SUN5: variants seen among roughly 807,000 people sequenced by gnomAD.
The protein encoded by SUN5 is Sad1 and UNC84 domain containing 5, also known as SUN domain-containing protein 5.
A neutral mutation model predicts 53.7 loss-of-function variants in SUN5; 44 were observed. That is an observed-to-expected ratio of 0.82 (90% CI 0.64 to 1.05). SUN5 has a LOEUF of 1.05. Among genes scored for constraint, SUN5 ranks in the 50% least tolerant of loss-of-function variants. SUN5 has a pLI of 0.00. For synonymous variants in SUN5, 166 were observed against 179.8 expected (o/e 0.92, Z 0.62); for missense variants, 433 against 483.8 (o/e 0.90, Z 0.98).
chr20:33,004,147 G>C, intron 1 of SUN5, 117 bp downstream of exon 1: 1 of 1,095,554 alleles, frequency 9.1e-7, no homozygotes. Context: ...CTCTGGTCTT[G>C]GTGGCTGTCT....
intron 8 of SUN5, among the ~76,000 whole-genome samples, chr20:32,994,324 T>C (rs781290292): frequency 5.3e-4 from 81 of 152,316 alleles, no homozygotes; most frequent in Non-Finnish European, 9.4e-4. Flanking sequence ...AGTTCTTTTG[T>C]ATACAATGTT....
intron 1 of SUN5, among the ~76,000 whole-genome samples, chr20:33,003,716 A>G (rs1026048545): frequency 6.6e-6 from 1 of 152,186 alleles, no homozygotes; most frequent in Non-Finnish European, 1.5e-5. Flanking sequence ...CCAAATGTAC[A>G]GATTTATGGT....
At chr20:32,988,795 G>A (rs1209723125) in intron 9 of SUN5, among the ~76,000 whole-genome samples, 1 of 151,714 alleles carries the variant, frequency 6.6e-6, no homozygotes. Flanking sequence ...TACCATGTTG[G>A]CCAGGCTGGT....
intron 12 of SUN5, among the ~76,000 whole-genome samples, chr20:32,984,196 G>C (rs1240384994): frequency 3.3e-5 from 5 of 152,198 alleles, no homozygotes; most frequent in Non-Finnish European, 5.9e-5. Context: ...GTGGGATCTT[G>C]GGCAAACCTC....
chr20:32,995,000 A>G (rs1989805835), intron 8 of SUN5, among the ~76,000 whole-genome samples: 1 of 152,250 alleles, frequency 6.6e-6, no homozygotes, highest in Non-Finnish European at 1.5e-5. Flanking sequence ...AAAAAGAATG[A>G]AAAAACAAAC....
chr20:33,002,971 G>T (rs1223771757), intron 1 of SUN5, 52 bp from the exon 2 acceptor site: 19 of 1,601,462 alleles, frequency 1.2e-5, no homozygotes, highest in Non-Finnish European at 1.5e-5. Context: ...GGAACATAGT[G>T]TCCTTGGAAT....
chr20:32,992,208 C>T (rs982438767), intron 8 of SUN5, among the ~76,000 whole-genome samples: 9 of 152,200 alleles, frequency 5.9e-5, no homozygotes, highest in South Asian at 2.1e-4. Context: ...ATGCCAGTAG[C>T]GTCTCCTCCT....
At chr20:32,985,620 T>C in intron 11 of SUN5, 116 bp downstream of exon 11, 1 of 1,335,664 alleles carries the variant, frequency 7.5e-7, no homozygotes, top group South Asian at 1.5e-5. Flanking sequence ...CCAAGCTGCA[T>C]TCAGCCCCTC....
At chr20:32,984,048 G>A (rs1012901684) in intron 12 of SUN5, 99 bp from the exon 13 acceptor site, 6 of 1,402,438 alleles carry the variant, frequency 4.3e-6, no homozygotes, top group Non-Finnish European at 5.6e-6. Context: ...TTCATAGGTG[G>A]GAAAACTAAG....
chr20:32,999,276 C>A (rs528653281), intron 5 of SUN5, among the ~76,000 whole-genome samples: 1 of 152,106 alleles, frequency 6.6e-6, no homozygotes, highest in African/African-American at 2.4e-5. Context: ...AATTAAGAAA[C>A]CCATTTCTAA....
chr20:33,000,616 G>A (rs908742906), intron 4 of SUN5, among the ~76,000 whole-genome samples: 12 of 152,260 alleles, frequency 7.9e-5, no homozygotes, highest in African/African-American at 2.6e-4. Context: ...ACTTCGGAAG[G>A]CTGAGGTGGG....
intron 8 of SUN5, among the ~76,000 whole-genome samples, chr20:32,992,603 A>C (rs1290956324): frequency 1.3e-5 from 2 of 152,220 alleles, no homozygotes; most frequent in African/African-American, 4.8e-5. Flanking sequence ...GATACACTGG[A>C]CTTAATTAAA....
Position 32,996,317 on chromosome 20 carries a change from C to T in SUN5, c.425+7G>A. On this transcript the variant is annotated splice_region_variant and intron_variant, in intron 7 of 12. Coordinates refer to ENST00000356173, the MANE Select transcript of SUN5 (RefSeq NM_080675.4). ...AATAATATGGTTACCCAGAAGATTC[C>T]TCTTACCTCAAGCTCTGCAGTGGAC... The T allele has an allele frequency of 6.2e-7, 1 of 1,613,142 alleles. No individual in the cohort carries two copies.
chr20:32,999,527 G>A (rs935007777), intron 5 of SUN5, among the ~76,000 whole-genome samples: 2 of 152,212 alleles, frequency 1.3e-5, no homozygotes, highest in African/African-American at 4.8e-5. Flanking sequence ...GGGAGGCGGA[G>A]GTTGCAGTGA....
intron 9 of SUN5, among the ~76,000 whole-genome samples, chr20:32,989,415 C>CACCCCACCCCACCCCTACCCCCAT (rs1989646214): frequency 6.8e-6 from 1 of 147,474 alleles, no homozygotes; most frequent in South Asian, 2.2e-4. Flanking sequence ...TGTTCCCTCC[C>CACCCCACCCCACCCCTACCCCCAT]ACCCCACCCC....
intron 8 of SUN5, 50 bp from the exon 9 acceptor site, chr20:32,989,748 G>A: frequency 2.0e-6 from 3 of 1,527,092 alleles, no homozygotes; most frequent in Non-Finnish European, 2.7e-6. Flanking sequence ...GTCACGGACT[G>A]TGATCCCCAC....
chr20:32,999,807 TG>T, intron 5 of SUN5: 2 of 1,120,482 alleles, frequency 1.8e-6, no homozygotes, highest in Non-Finnish European at 2.5e-6. Context: ...GGGTGGTGGC[TG>T]GAAAGAAGCC....
At chr20:33,002,724 T>C (rs41305793) in intron 2 of SUN5, 63 bp from the exon 3 acceptor site, 4 of 1,604,328 alleles carry the variant, frequency 2.5e-6, no homozygotes, top group Non-Finnish European at 2.6e-6. Context: ...TGCAGAGACC[T>C]AGGGAGCACC....
At chr20:32,997,887 AGAT>A (rs1989894212) in intron 5 of SUN5, among the ~76,000 whole-genome samples, 200 bp from the exon 6 acceptor site, 1 of 152,232 alleles carries the variant, frequency 6.6e-6, no homozygotes, top group Non-Finnish European at 1.5e-5. Context: ...CTTCATGATC[AGAT>A]GATATCAAAT....
Sources: allele counts gnomAD v4.1 joint callset (sites outside exome capture counted in the v4.1 genomes callset), GRCh38; gene constraint gnomAD v4.1.1; transcripts MANE v1.5; gene names NCBI Gene and HGNC (gene_info 2026-07-23, HGNC 2026-07-21).